ULK4: variants seen among roughly 807,000 people sequenced by gnomAD.
ULK4 encodes unc-51 like kinase 4.
Under a neutral mutation model 160.6 loss-of-function variants are expected in ULK4, and 133 were observed. The ratio of observed to expected loss-of-function variants is 0.83; its 90% confidence interval spans 0.72 to 0.96. ULK4 has a LOEUF of 0.96. Among genes scored for constraint, ULK4 ranks in the 40% least tolerant of loss-of-function variants. The pLI, the probability that ULK4 is intolerant of heterozygous loss-of-function variation, is 0.00. For synonymous variants in ULK4, 534 were observed against 539.8 expected (o/e 0.99, Z 0.15); for missense variants, 1,580 against 1,499.5 (o/e 1.05, Z -0.89).
chr3:41,344,264 G>A (rs1479158291), intron 35 of ULK4, among the ~76,000 whole-genome samples: 1 of 152,156 alleles, frequency 6.6e-6, no homozygotes, highest in Non-Finnish European at 1.5e-5. Flanking sequence ...GGAAGAACTG[G>A]CTAGCTACAT....
chr3:41,781,288 G>T (rs1230100148), intron 21 of ULK4, among the ~76,000 whole-genome samples: 1 of 151,856 alleles, frequency 6.6e-6, no homozygotes, highest in Non-Finnish European at 1.5e-5. Context: ...ATGGTGGCGG[G>T]TGCCTGTAGT....
chr3:41,658,999 T>C (rs2125753892), intron 30 of ULK4, among the ~76,000 whole-genome samples: 1 of 152,314 alleles, frequency 6.6e-6, no homozygotes, highest in African/African-American at 2.4e-5. Flanking sequence ...ATTTTGATTG[T>C]GATAGTAGTT....
intron 32 of ULK4, among the ~76,000 whole-genome samples, chr3:41,535,264 G>A (rs904357938): frequency 2.0e-5 from 3 of 152,074 alleles, no homozygotes; most frequent in South Asian, 2.1e-4. Context: ...GCTATTACAC[G>A]GAGAGCAGTG....
chr3:41,426,718 C>T (rs553652499), intron 34 of ULK4, among the ~76,000 whole-genome samples: 1 of 151,936 alleles, frequency 6.6e-6, no homozygotes, highest in South Asian at 2.1e-4. Context: ...TTCAAACCAA[C>T]GAGAACAAAG....
chr3:41,479,319 T>C (rs1016026335), intron 32 of ULK4, among the ~76,000 whole-genome samples: 3 of 152,234 alleles, frequency 2.0e-5, no homozygotes, highest in African/African-American at 7.2e-5. Flanking sequence ...TAAGCATTTA[T>C]AATGTAAATT....
chr3:41,823,022 G>A (rs928291237), intron 18 of ULK4, among the ~76,000 whole-genome samples: 3 of 132,822 alleles, frequency 2.3e-5, no homozygotes, highest in Admixed American at 7.0e-5. Flanking sequence ...ACGCCCGGCC[G>A]AGATTTTTTT....
At chr3:41,283,305 C>G (rs1297843915) in intron 35 of ULK4, among the ~76,000 whole-genome samples, 1 of 152,046 alleles carries the variant, frequency 6.6e-6, no homozygotes, top group East Asian at 1.9e-4. Flanking sequence ...GGGTATATAC[C>G]CAAAGGAGTA....
chr3:41,570,413 G>C (rs941144276), intron 31 of ULK4, among the ~76,000 whole-genome samples: 5 of 152,130 alleles, frequency 3.3e-5, no homozygotes, highest in Non-Finnish European at 7.3e-5. Context: ...AGGAAAGGGT[G>C]ATTAATAAGC....
At chr3:41,322,953 T>C (rs867526604) in intron 35 of ULK4, among the ~76,000 whole-genome samples, 40 of 152,214 alleles carry the variant, frequency 2.6e-4, no homozygotes, top group African/African-American at 8.9e-4. Flanking sequence ...TTTTTTTTTT[T>C]TGAGACGGAG....
At chr3:41,649,368 G>A (rs144593369) in intron 30 of ULK4, among the ~76,000 whole-genome samples, 1 of 152,176 alleles carries the variant, frequency 6.6e-6, no homozygotes, top group East Asian at 1.9e-4. Flanking sequence ...GAGTCAGCAG[G>A]GCAGGGTACC....
chr3:41,578,422 G>A (rs535250919), intron 31 of ULK4, among the ~76,000 whole-genome samples: 1 of 152,144 alleles, frequency 6.6e-6, no homozygotes, highest in South Asian at 2.1e-4. Flanking sequence ...TATTTGTTTA[G>A]TCACTTTGGA....
At chr3:41,740,469 C>G (rs1407526053) in intron 22 of ULK4, among the ~76,000 whole-genome samples, 3 of 151,776 alleles carry the variant, frequency 2.0e-5, no homozygotes, top group African/African-American at 4.9e-5. Context: ...ATTTTATCGC[C>G]TGTCATAGTA....
At chr3:41,589,185 C>A (rs1478984794) in intron 31 of ULK4, among the ~76,000 whole-genome samples, 2 of 151,754 alleles carry the variant, frequency 1.3e-5, no homozygotes, top group Non-Finnish European at 1.5e-5. Context: ...TGAGGTGAAC[C>A]TACCACTGAC....
At chr3:41,378,337 C>A (rs989639696) in intron 35 of ULK4, among the ~76,000 whole-genome samples, 1 of 151,026 alleles carries the variant, frequency 6.6e-6, no homozygotes, top group Non-Finnish European at 1.5e-5. Context: ...AACTAACCTG[C>A]ACAATGTGCA....
Position 41,311,968 on chromosome 3 carries a change from T to TATTTC in ULK4, c.3679-62395_3679-62394insGAAAT, listed in dbSNP as rs202063671. On this transcript the variant is annotated intron_variant, in intron 35 of 36. Transcript: ENST00000301831. ...TATTTCTTCTAACACACATTTATTT[T>TATTTC]ATTTTATTTTATTTTATTTTTTAGC... is the stretch of plus-strand genomic sequence containing the variant. Among the ~76,000 whole-genome samples, 1,043 of 151,436 alleles carry TATTTC rather than the reference T, an allele frequency of 6.9e-3. 13 individuals carry two copies. Among genetic ancestry groups the TATTTC allele is most frequent in the African/African-American group, 0.024 (983 of 40,968 alleles).
At chr3:41,759,332 C>A (rs1264442968) in intron 21 of ULK4, among the ~76,000 whole-genome samples, 1 of 152,072 alleles carries the variant, frequency 6.6e-6, no homozygotes, top group Non-Finnish European at 1.5e-5. Context: ...TTTCAACATA[C>A]CAATAATGAA....
chr3:41,395,190 C>A (rs1467093506), intron 35 of ULK4, among the ~76,000 whole-genome samples: 3 of 108,962 alleles, frequency 2.8e-5, no homozygotes, highest in African/African-American at 9.6e-5. Context: ...TGAAAGCACT[C>A]CAAAAAAAAA....
intron 27 of ULK4, among the ~76,000 whole-genome samples, chr3:41,683,339 G>C (rs563977706): frequency 2.2e-4 from 34 of 152,128 alleles, no homozygotes; most frequent in East Asian, 1.7e-3. Flanking sequence ...ATTGCATTGA[G>C]AGCCCAAGAA....
intron 26 of ULK4, 38 bp from the exon 27 acceptor site, chr3:41,705,189 A>C: frequency 6.2e-7 from 1 of 1,609,204 alleles, no homozygotes; most frequent in Non-Finnish European, 8.5e-7. Flanking sequence ...GTTTATTTAC[A>C]TGTTCTAAAT....
Sources: allele counts gnomAD v4.1 joint callset (sites outside exome capture counted in the v4.1 genomes callset), GRCh38; gene constraint gnomAD v4.1.1; transcripts MANE v1.5; gene names NCBI Gene and HGNC (gene_info 2026-07-23, HGNC 2026-07-21).